The following INPP4B variants were observed in gnomAD, a reference collection of about 807,000 sequenced individuals.
INPP4B encodes the protein inositol polyphosphate 4-phosphatase type II.
INPP4B carries 55 observed loss-of-function variants against 122.5 expected under a neutral mutation model. The observed-to-expected ratio is 0.45, with a 90% CI of 0.36 to 0.56. The LOEUF is 0.56. Ranked by LOEUF, INPP4B falls within the 20% of genes least tolerant of loss-of-function variation. The pLI, the probability that INPP4B is intolerant of heterozygous loss-of-function variation, is 0.00. For missense variants in INPP4B, 1,000 were observed against 1,097.7 expected (o/e 0.91, Z 1.26); for synonymous variants, 403 against 388.7 (o/e 1.04, Z -0.43).
intron 23 of INPP4B, among the ~76,000 whole-genome samples, chr4:142,103,991 A>G (rs976452340): frequency 1.4e-4 from 22 of 152,288 alleles, no homozygotes; most frequent in Middle Eastern, 3.4e-3. Context: ...GTTAAAAAAA[A>G]GCCCTGTTTT....
chr4:142,757,548 A>G (rs187451377), intron 1 of INPP4B, among the ~76,000 whole-genome samples: 1 of 152,138 alleles, frequency 6.6e-6, no homozygotes, highest in East Asian at 1.9e-4. Context: ...TAACCTTTTC[A>G]TGTTGGCTTC....
chr4:142,434,161 C>T (rs1264689196), intron 3 of INPP4B, among the ~76,000 whole-genome samples: 5 of 152,252 alleles, frequency 3.3e-5, no homozygotes, highest in South Asian at 4.1e-4. Flanking sequence ...ACAAGATGTG[C>T]TAAATCCTTT....
intron 25 of INPP4B, among the ~76,000 whole-genome samples, chr4:142,057,442 T>C (rs534754194): frequency 1.1e-4 from 16 of 152,138 alleles, no homozygotes; most frequent in South Asian, 2.1e-4. Context: ...TGTTCATTTA[T>C]GATTAAAAAA....
intron 17 of INPP4B, among the ~76,000 whole-genome samples, chr4:142,150,302 C>T (rs1165340996): frequency 2.0e-5 from 3 of 152,188 alleles, no homozygotes; most frequent in Admixed American, 6.5e-5. Context: ...GTATGTGGTG[C>T]TTCCAGCCCC....
Position 142,512,577 on chromosome 4 carries a change from A to G in INPP4B, c.-190-49851T>C, listed in dbSNP as rs145190208. Among the ~76,000 whole-genome samples, 746 of 152,282 alleles carry G rather than the reference A, an allele frequency of 4.9e-3. 6 individuals are homozygous for G. Among genetic ancestry groups the G allele is most frequent in the African/African-American group, 0.017 (716 of 41,558 alleles). Reference sequence around the variant, plus strand: ...TTGAGCTTGGGCAAGTTTATGAGGAAAAAAATGTAGCAGACGATTCTTATA... The same window carrying G: ...TTGAGCTTGGGCAAGTTTATGAGGAGAAAAATGTAGCAGACGATTCTTATA... On this transcript the variant is annotated intron_variant, in intron 2 of 25. Transcript: ENST00000262992.
chr4:142,355,790 TATC>T (rs1783397354), intron 7 of INPP4B, among the ~76,000 whole-genome samples: 1 of 151,924 alleles, frequency 6.6e-6, no homozygotes, highest in Non-Finnish European at 1.5e-5. Flanking sequence ...CAATTCAGCT[TATC>T]AGAGCATGAG....
chr4:142,529,112 A>G (rs1384090458), intron 2 of INPP4B, among the ~76,000 whole-genome samples: 1 of 152,086 alleles, frequency 6.6e-6, no homozygotes, highest in Non-Finnish European at 1.5e-5. Flanking sequence ...AACCACAGTG[A>G]GCCAATGTTT....
intron 15 of INPP4B, among the ~76,000 whole-genome samples, chr4:142,185,274 A>G: frequency 6.6e-6 from 1 of 152,118 alleles, no homozygotes; most frequent in African/African-American, 2.4e-5. Context: ...AAAAGAAGCA[A>G]GTTTGAGAGC....
rs547563846 is a variant in INPP4B, at chr4:142,408,343, AG to A, written c.137-3020del. On this transcript the variant is annotated intron_variant, in intron 5 of 25. Transcript: ENST00000262992. ...GCCGAGGCCAGGATGACCTGACATC[AG>A]GAATTCCAGACCAGCCTGGCCAACA... 2.1e-3 allele frequency among the ~76,000 whole-genome samples: 319 copies of A among 152,224 alleles called. 1 individual carries two copies. Among genetic ancestry groups the A allele is most frequent in the African/African-American group, 7.0e-3 (291 of 41,550 alleles).
intron 2 of INPP4B, among the ~76,000 whole-genome samples, chr4:142,636,110 A>C (rs1003584999): frequency 6.6e-6 from 1 of 152,030 alleles, no homozygotes; most frequent in African/African-American, 2.4e-5. Flanking sequence ...TGGTTTTATA[A>C]GGGGCTTCTC....
At chr4:142,645,160 G>C (rs1253715347) in intron 2 of INPP4B, among the ~76,000 whole-genome samples, 2 of 152,226 alleles carry the variant, frequency 1.3e-5, no homozygotes, top group East Asian at 1.9e-4. Context: ...AATACAAAAA[G>C]TAAGGACATT....
chr4:142,498,562 G>A (rs960278275), intron 2 of INPP4B, among the ~76,000 whole-genome samples: 7 of 152,054 alleles, frequency 4.6e-5, no homozygotes, highest in African/African-American at 1.7e-4. Context: ...GTGGAGGTGG[G>A]AGGATTGCTT....
chr4:142,819,122 C>T (rs193256400), intron 1 of INPP4B, among the ~76,000 whole-genome samples: 1 of 152,274 alleles, frequency 6.6e-6, no homozygotes, highest in Admixed American at 6.5e-5. Flanking sequence ...TGTATTCCCA[C>T]CCTTTGGGGT....
At chr4:142,500,942 G>C (rs1823295526) in intron 2 of INPP4B, among the ~76,000 whole-genome samples, 1 of 152,098 alleles carries the variant, frequency 6.6e-6, no homozygotes, top group African/African-American at 2.4e-5. Flanking sequence ...AAAAGTTCTA[G>C]AGATCTGCCA....
At chr4:142,061,752 G>T (rs2645788) in intron 25 of INPP4B, among the ~76,000 whole-genome samples, 133,229 of 150,862 alleles carry the variant, frequency 0.88, 60,588 homozygotes, top group Non-Finnish European at 0.98. Flanking sequence ...AGCATTTAAA[G>T]AATTTTTATA....
intron 2 of INPP4B, among the ~76,000 whole-genome samples, chr4:142,645,190 T>A (rs1580606303): frequency 6.6e-6 from 1 of 152,162 alleles, no homozygotes; most frequent in South Asian, 2.1e-4. Context: ...TGATAATGAG[T>A]TTCAGAAAAT....
At chr4:142,301,493 C>T (rs1310236172) in intron 9 of INPP4B, among the ~76,000 whole-genome samples, 1 of 152,130 alleles carries the variant, frequency 6.6e-6, no homozygotes, top group African/African-American at 2.4e-5. Flanking sequence ...ATCCCACTTG[C>T]ACAGTCAGCA....
At chr4:142,605,488 C>T (rs1339371628) in intron 2 of INPP4B, among the ~76,000 whole-genome samples, 1 of 151,958 alleles carries the variant, frequency 6.6e-6, no homozygotes, top group East Asian at 1.9e-4. Context: ...GTTGAAGAGA[C>T]AACCTCTTGA....
intron 1 of INPP4B, among the ~76,000 whole-genome samples, chr4:142,813,694 G>T (rs1195752869): frequency 1.4e-4 from 22 of 152,036 alleles, no homozygotes; most frequent in Non-Finnish European, 2.9e-5. Context: ...AGATCACAGT[G>T]CAACCAACAA....
Sources: gnomAD v4.1 joint callset for allele counts (sites outside exome capture counted in the v4.1 genomes callset) on GRCh38, gnomAD v4.1.1 for gene constraint, MANE v1.5 for transcripts, NCBI Gene and HGNC (gene_info 2026-07-23, HGNC 2026-07-21) for gene names.